The following MYO1D variants were observed in gnomAD, a reference collection of about 807,000 sequenced individuals.
The protein encoded by MYO1D is myosin ID, also known as unconventional myosin-Id.
A neutral mutation model predicts 122.0 loss-of-function variants in MYO1D; 83 were observed. The ratio of observed to expected loss-of-function variants is 0.68; its 90% CI spans 0.57 to 0.82. The LOEUF (loss-of-function observed/expected upper bound fraction) is 0.82, where lower values mean the gene tolerates loss of function less well. MYO1D is among the 40% of genes least tolerant of loss of function. The pLI, the probability that MYO1D is intolerant of heterozygous loss-of-function variation, is 0.00. For missense variants in MYO1D, 1,157 were observed against 1,269.5 expected, an observed-to-expected ratio of 0.91 and a Z score of 1.35; for synonymous variants, 464 against 446.9, an observed-to-expected ratio of 1.04 and a Z score of -0.48.
intron 1 of MYO1D, among the ~76,000 whole-genome samples, chr17:32,844,379 G>GTATATATTATACATATTATA: frequency 1.4e-5 from 2 of 145,248 alleles, no homozygotes; most frequent in Non-Finnish European, 1.5e-5. Context: ...TAGTATATAT[G>GTATATATTATACATATTATA]TGTATATATA....
At chr17:32,621,511 T>C (rs1392939249) in intron 20 of MYO1D, among the ~76,000 whole-genome samples, 1 of 152,116 alleles carries the variant, frequency 6.6e-6, no homozygotes, top group Non-Finnish European at 1.5e-5. Flanking sequence ...GTAAAAGCTA[T>C]GGATGGATTA....
At chr17:32,772,660 G>T (rs988346274) in intron 5 of MYO1D, 129 bp downstream of exon 5, 4 of 755,484 alleles carry the variant, frequency 5.3e-6, no homozygotes, top group Admixed American at 1.9e-5. Context: ...GTGCGTGCGT[G>T]CATGCGTGAC....
At chr17:32,840,033 C>A (rs1378484895) in intron 1 of MYO1D, among the ~76,000 whole-genome samples, 1 of 152,118 alleles carries the variant, frequency 6.6e-6, no homozygotes, top group Non-Finnish European at 1.5e-5. Context: ...CTTGTTCCAT[C>A]TTTTTATGTG....
intron 1 of MYO1D, among the ~76,000 whole-genome samples, chr17:32,806,632 C>T (rs1258645087): frequency 6.6e-6 from 1 of 152,200 alleles, no homozygotes; most frequent in African/African-American, 2.4e-5. Flanking sequence ...CTGCCTCAGC[C>T]TCCCGAAGTG....
chr17:32,824,532 C>T (rs920826621), intron 1 of MYO1D, among the ~76,000 whole-genome samples: 3 of 152,224 alleles, frequency 2.0e-5, no homozygotes, highest in Admixed American at 6.5e-5. Flanking sequence ...AAATACTTTA[C>T]ACATAGTATC....
intron 16 of MYO1D, among the ~76,000 whole-genome samples, chr17:32,704,411 A>G (rs1020990951): frequency 1.3e-5 from 2 of 152,228 alleles, no homozygotes; most frequent in Admixed American, 1.3e-4. Context: ...AAAAAATGAA[A>G]ATAACCAGTG....
intron 21 of MYO1D, among the ~76,000 whole-genome samples, chr17:32,548,585 T>C (rs759954317): frequency 3.0e-4 from 46 of 152,128 alleles, no homozygotes; most frequent in Non-Finnish European, 6.2e-4. Context: ...CTATGAGCAT[T>C]TGGCAACGTG....
At chr17:32,748,505 T>C (rs750799945) in intron 12 of MYO1D, among the ~76,000 whole-genome samples, 12 of 152,218 alleles carry the variant, frequency 7.9e-5, no homozygotes, top group Non-Finnish European at 1.6e-4. Flanking sequence ...ACTGCTCCTA[T>C]AATGCCTGTG....
chr17:32,622,199 G>A (rs2087862459), intron 20 of MYO1D, among the ~76,000 whole-genome samples: 1 of 152,108 alleles, frequency 6.6e-6, no homozygotes, highest in South Asian at 2.1e-4. Context: ...CAGCACCAAA[G>A]CCTGTTGTTC....
At position 32,605,075 on chromosome 17, in the gene MYO1D, A is replaced by G; in HGVS notation, c.2864+12T>C. ...TTTAAAACGTGTCTTAGTTACAAAA[A>G]TCAAACTTTACCTCTTGAAATGATT... On this transcript the variant is annotated intron_variant, in intron 21 of 21. Transcript: ENST00000318217. 3.2e-6 allele frequency: 5 copies of G among 1,565,772 alleles called. No individual in the cohort carries two copies. Among genetic ancestry groups the G allele is most frequent in the Non-Finnish European group, 4.4e-6 (5 of 1,145,906 alleles).
intron 1 of MYO1D, among the ~76,000 whole-genome samples, chr17:32,864,007 C>CTTTTTT (rs560953120): frequency 1.0e-4 from 5 of 48,968 alleles, no homozygotes; most frequent in East Asian, 1.3e-3. Flanking sequence ...ACATTTCTTC[C>CTTTTTT]TTTTTTTTTT....
intron 20 of MYO1D, among the ~76,000 whole-genome samples, chr17:32,618,704 A>G (rs11867197): frequency 0.58 from 87,763 of 150,766 alleles, 26,324 homozygotes; most frequent in African/African-American, 0.72. Context: ...GCATGATCTC[A>G]GCTCACTGCA....
intron 19 of MYO1D, among the ~76,000 whole-genome samples, chr17:32,644,132 T>C (rs1206077900): frequency 1.3e-5 from 2 of 152,170 alleles, no homozygotes; most frequent in African/African-American, 2.4e-5. Flanking sequence ...TTCTCGTTGG[T>C]TTCAAAGAAC....
chr17:32,630,145 A>T (rs2087985012), intron 20 of MYO1D, among the ~76,000 whole-genome samples: 1 of 152,238 alleles, frequency 6.6e-6, no homozygotes, highest in African/African-American at 2.4e-5. Flanking sequence ...CACAGATTAT[A>T]CACATATATT....
chr17:32,607,674 T>G (rs2087645266), intron 20 of MYO1D, among the ~76,000 whole-genome samples: 1 of 152,062 alleles, frequency 6.6e-6, no homozygotes, highest in Non-Finnish European at 1.5e-5. Context: ...CTGAAATATG[T>G]ATGGAAAAGC....
chr17:32,506,370 TC>T (rs1317169439), intron 21 of MYO1D, among the ~76,000 whole-genome samples: 1 of 152,126 alleles, frequency 6.6e-6, no homozygotes, highest in African/African-American at 2.4e-5. Flanking sequence ...CATTCAAAGG[TC>T]CATGTCTCAT....
intron 21 of MYO1D, among the ~76,000 whole-genome samples, chr17:32,560,489 G>C (rs1161827866): frequency 8.0e-6 from 1 of 125,422 alleles, no homozygotes; most frequent in African/African-American, 3.0e-5. Context: ...GTATGTTATG[G>C]AGATATTTAA....
chr17:32,722,394 T>C (rs1479973179), intron 14 of MYO1D, among the ~76,000 whole-genome samples: 1 of 152,238 alleles, frequency 6.6e-6, no homozygotes, highest in Non-Finnish European at 1.5e-5. Context: ...GTTGGTGTTT[T>C]TGGGAGCTCC....
In MYO1D at chr17:32,721,205, A is replaced by T. The variant is rs898891900; in HGVS notation, c.1747-16T>A. The T allele has an allele frequency of 2.5e-6, 4 of 1,609,766 alleles. No homozygotes were observed. The highest frequency in any genetic ancestry group is 2.5e-6 in the Non-Finnish European group (3 of 1,177,192). On this transcript the variant is annotated splice_polypyrimidine_tract_variant and intron_variant, in intron 14 of 21. Transcript: ENST00000318217. The stretch of plus-strand genomic sequence containing the variant: ...AATATGGTTCCTAAAGAAATAAATC[A>T]GCAAATGGTAAGTTTCACTGGAGAA...
Sources: allele counts gnomAD v4.1 joint callset (sites outside exome capture counted in the v4.1 genomes callset), GRCh38; gene constraint gnomAD v4.1.1; transcripts MANE v1.5; gene names NCBI Gene and HGNC (gene_info 2026-07-23, HGNC 2026-07-21).